Variants in OR6N1 observed in about 807,000 individuals in gnomAD.
The protein encoded by OR6N1 is olfactory receptor 6N1.
For missense variants in OR6N1, 394 were observed against 371.7 expected (o/e 1.06, Z -0.49); for synonymous variants, 170 against 150.7 (o/e 1.13, Z -0.94).
At chr1:158,784,535 G>A in the OR6N1 span, among the ~76,000 whole-genome samples, 15 of 152,098 alleles carry the variant, frequency 9.9e-5, no homozygotes, top group Non-Finnish European at 2.1e-4. Context: ...CTGTCTAACT[G>A]TAACTTCATA....
chr1:158,787,750 T>C, the OR6N1 span, among the ~76,000 whole-genome samples: 1 of 152,150 alleles, frequency 6.6e-6, no homozygotes, highest in South Asian at 2.1e-4. Context: ...TCATTTGACC[T>C]GATTCTTGAA....
At chr1:158,831,525 C>T in the OR6N1 span, 1 of 152,148 alleles carries the variant, frequency 6.6e-6, no homozygotes, top group African/African-American at 2.4e-5. Flanking sequence ...TCCAGGATTT[C>T]TGAAGACTAT....
At chr1:158,766,916 C>T (rs1303461370) in intron 1 of OR6N1, among the ~76,000 whole-genome samples, 1 of 152,094 alleles carries the variant, frequency 6.6e-6, no homozygotes, top group Non-Finnish European at 1.5e-5. Flanking sequence ...TTAGTCTTCC[C>T]TGATTAACAC....
At chr1:158,782,093 A>C in the OR6N1 span, among the ~76,000 whole-genome samples, 1 of 152,188 alleles carries the variant, frequency 6.6e-6, no homozygotes, top group Non-Finnish European at 1.5e-5. Flanking sequence ...ACTACCATAA[A>C]GTGTCACCTG....
chr1:158,790,605 C>A, the OR6N1 span, among the ~76,000 whole-genome samples: 1 of 151,936 alleles, frequency 6.6e-6, no homozygotes, highest in African/African-American at 2.4e-5. Flanking sequence ...GGGGTTTCAC[C>A]GTGTTAGCCA....
rs746382283 is a variant in OR6N1, at chr1:158,766,582, A to G, written c.101T>C (p.Ile34Thr). 1.6e-5 allele frequency: 26 copies of G among 1,613,996 alleles called. No homozygotes were observed. The Admixed American group carries it at 4.2e-4, about 26-fold the overall frequency. Residue 34 changes from isoleucine (I) to threonine (T), a missense_variant, in exon 2 of 2, where the codon ATT (isoleucine) becomes ACT (threonine). By Grantham distance (89) the Ile-to-Thr change is moderately conservative (BLOSUM62 -1). Coordinates refer to ENST00000641846, the MANE Select transcript of OR6N1 (RefSeq NM_001005185.2). ...QIYLFLLLLL[I>T]YLMTVLGNLL... is the part of the protein sequence containing the mutation. ...GTTTCCCAACACAGTCATGAGGTAA[A>G]TGAGAAGCAACAAGAGGAAGAGATA...
At chr1:158,799,441 A>T in the OR6N1 span, among the ~76,000 whole-genome samples, 11 of 152,176 alleles carry the variant, frequency 7.2e-5, 1 homozygote, top group Non-Finnish European at 1.5e-4. Flanking sequence ...ATGTAGGCTG[A>T]CTTGTGGGAT....
At chr1:158,780,839 A>G in the OR6N1 span, among the ~76,000 whole-genome samples, 1 of 152,194 alleles carries the variant, frequency 6.6e-6, no homozygotes, top group Non-Finnish European at 1.5e-5. Flanking sequence ...CATCTGTGTC[A>G]GCACTTGACC....
chr1:158,831,083 CG>C, the OR6N1 span, among the ~76,000 whole-genome samples: 1 of 152,136 alleles, frequency 6.6e-6, no homozygotes, highest in Admixed American at 6.5e-5. Context: ...CTTATTCAAG[CG>C]GCTACCGGTT....
the OR6N1 span, among the ~76,000 whole-genome samples, chr1:158,833,862 T>TA: frequency 1.3e-5 from 2 of 152,238 alleles, no homozygotes; most frequent in Admixed American, 6.5e-5. Flanking sequence ...TTTGGGAATA[T>TA]ATCTAGAAGT....
the OR6N1 span, among the ~76,000 whole-genome samples, chr1:158,821,593 A>G: frequency 3.9e-4 from 60 of 152,152 alleles, no homozygotes; most frequent in African/African-American, 1.3e-3. Context: ...AGGTTTCTCC[A>G]TATCTTCTTA....
At chr1:158,780,183 C>A in the OR6N1 span, among the ~76,000 whole-genome samples, 1 of 152,072 alleles carries the variant, frequency 6.6e-6, no homozygotes, top group Non-Finnish European at 1.5e-5. Flanking sequence ...TCCCACTGAC[C>A]CAGAGAAATT....
the OR6N1 span, among the ~76,000 whole-genome samples, chr1:158,836,049 G>A: frequency 6.6e-6 from 1 of 151,772 alleles, no homozygotes; most frequent in African/African-American, 2.4e-5. Context: ...GTTGCATGGT[G>A]AGCCATCATT....
chr1:158,814,111 T>C, the OR6N1 span, among the ~76,000 whole-genome samples: 1 of 152,226 alleles, frequency 6.6e-6, no homozygotes, highest in Non-Finnish European at 1.5e-5. Context: ...TGTCCCGGAA[T>C]AACTACTAAC....
At chr1:158,823,887 C>G in the OR6N1 span, among the ~76,000 whole-genome samples, 1 of 152,034 alleles carries the variant, frequency 6.6e-6, no homozygotes, top group East Asian at 1.9e-4. Flanking sequence ...TAGCTTTGTC[C>G]CAGAGATTCT....
chr1:158,784,604 C>T, the OR6N1 span, among the ~76,000 whole-genome samples: 2 of 152,128 alleles, frequency 1.3e-5, no homozygotes, highest in Admixed American at 6.6e-5. Context: ...CTCTGGTAAC[C>T]ACATTCTATT....
chr1:158,825,040 A>G, the OR6N1 span, among the ~76,000 whole-genome samples: 1 of 152,188 alleles, frequency 6.6e-6, no homozygotes, highest in Non-Finnish European at 1.5e-5. Flanking sequence ...AACCTACAGA[A>G]TGCGAGAAAA....
chr1:158,768,937 T>G (rs912044807), intron 1 of OR6N1, among the ~76,000 whole-genome samples: 5 of 152,190 alleles, frequency 3.3e-5, no homozygotes, highest in African/African-American at 1.2e-4. Context: ...TCCTCTTTGA[T>G]TATAAGTTCC....
the OR6N1 span, among the ~76,000 whole-genome samples, chr1:158,803,985 C>A: frequency 6.6e-6 from 1 of 152,152 alleles, no homozygotes. Context: ...AATACTGTGA[C>A]ACCAGTTTTT....
Sources: gnomAD v4.1 joint callset for allele counts (sites outside exome capture counted in the v4.1 genomes callset) on GRCh38, gnomAD v4.1.1 for gene constraint, MANE v1.5 for transcripts, NCBI Gene and HGNC (gene_info 2026-07-23, HGNC 2026-07-21) for gene names.